The following KMT2B variants were observed in gnomAD, a reference collection of about 807,000 sequenced individuals.
KMT2B encodes histone-lysine N-methyltransferase 2B.
KMT2B carries 22 observed loss-of-function variants against 255.3 expected under a neutral mutation model. The ratio of observed to expected loss-of-function variants is 0.09; its 90% CI spans 0.06 to 0.12. The LOEUF (loss-of-function observed/expected upper bound fraction) is 0.12, where lower values mean the gene tolerates loss of function less well. Ranked by LOEUF, KMT2B falls within the 10% of genes least tolerant of loss-of-function variation. The pLI, the probability that KMT2B is intolerant of heterozygous loss-of-function variation, is 1.00. For synonymous variants in KMT2B, 1,730 were observed against 1,498.1 expected (o/e 1.15, Z -3.57); for missense variants, 3,149 against 3,737.0 (o/e 0.84, Z 4.10).
In KMT2B at chr19:35,720,326, C is replaced by G; in HGVS notation, c.979C>G (p.Gln327Glu). 3 of 1,611,514 alleles carry G rather than the reference C, an allele frequency of 1.9e-6. No individual in the cohort carries two copies. Among genetic ancestry groups the G allele is most frequent in the Non-Finnish European group, 2.5e-6 (3 of 1,178,720 alleles). ...ATTGTCCTTGGGACTCGAATCAGGT[C>G]AAGGTCAAGGTCAACATGAGGAAAG... ...GQLSLGLESGQGQGQHEESWQ... is the reference protein window; with the variant it reads ...GQLSLGLESGEGQGQHEESWQ... The change falls in exon 3 of 37, where the codon CAA (glutamine) becomes GAA (glutamate). Residue 327 changes from glutamine to glutamate, a missense_variant. This residue lies in a region of KMT2B where 1,188 missense variants were observed against 1,106.4 expected (regional missense o/e 1.07). Transcript: ENST00000420124.
chr19:35,724,052 T>A (rs1346966794), intron 8 of KMT2B, 45 bp downstream of exon 8: 2 of 1,510,652 alleles, frequency 1.3e-6, no homozygotes, highest in Non-Finnish European at 1.8e-6. Flanking sequence ...TTATTTGGTC[T>A]TGTGTCTTTT....
chr19:35,733,303 G>GCCCCCCCCCCCCCCCCCCCC lies in KMT2B; in HGVS notation c.6758_6759insCCCCCCCCCCCCCCCCCCCC (p.Leu2260ArgfsTer8). 2 of 1,340,098 alleles carry GCCCCCCCCCCCCCCCCCCCC rather than the reference G, an allele frequency of 1.5e-6. No homozygotes were observed. The highest frequency in any genetic ancestry group is 2.1e-6 in the Non-Finnish European group (2 of 961,264). 83.0% of individuals were successfully genotyped at this position (1,340,098 alleles called of 1,614,324 possible). On this transcript the variant is annotated frameshift_variant, in exon 28 of 37. Transcript: ENST00000420124. LOFTEE classifies it high-confidence loss of function. The surrounding 1 kb of genome is among the most constrained non-coding windows in gnomAD (Gnocchi z 4.3). ...GCCCGTGGTCGGAGTGGTCCGCCCT[G>GCCCCCCCCCCCCCCCCCCCC]CCCCGCCCCCGCCACCCCCTCCCCT...
intron 30 of KMT2B, chr19:35,736,064 A>G: frequency 6.5e-6 from 1 of 152,880 alleles, no homozygotes; most frequent in African/African-American, 2.4e-5. Flanking sequence ...CAGCCTGGCC[A>G]ACATGGTGAA....
At chr19:35,729,519 G>GTGCC (rs918820216) in intron 22 of KMT2B, among the ~76,000 whole-genome samples, 4 of 152,184 alleles carry the variant, frequency 2.6e-5, no homozygotes, top group African/African-American at 9.7e-5. Flanking sequence ...AGTGAGAAGA[G>GTGCC]TGCCCATTGA....
rs562585088 is a variant in KMT2B, at chr19:35,737,605, A to G, written c.7551-31A>G. The G allele has an allele frequency of 2.7e-5, 38 of 1,413,950 alleles. 1 individual carries two copies. The South Asian group carries it at 3.9e-4, about 14-fold the overall frequency. 87.6% of individuals were successfully genotyped at this position (1,413,950 alleles called of 1,614,324 possible). The stretch of plus-strand genomic sequence containing the variant: ...CCCTGTTAGCTCTGTCTTCAACAGT[A>G]TATTCCTCCTTCCCCTGCTGCCACC... On this transcript the variant is annotated intron_variant, in intron 33 of 36. Transcript: ENST00000420124. The surrounding 1 kb of genome is among the most constrained non-coding windows in gnomAD (Gnocchi z 5.3).
Position 35,732,006 on chromosome 19 carries a change from C to T in KMT2B, c.5536C>T (p.Arg1846Trp), listed in dbSNP as rs1353394278. The T allele has an allele frequency of 6.2e-6, 10 of 1,613,672 alleles. No homozygotes were observed. The African/African-American group carries it at 6.7e-5, about 11-fold the overall frequency. ...CATTCAGAACCTGGACCCTCCACTG[C>T]GGCCAGATTCAGGCAGCGCCCCTCC... Reference protein sequence around the residue: ...SPIQNLDPPLRPDSGSAPPPA... With the variant: ...SPIQNLDPPLWPDSGSAPPPA... The change falls in exon 27 of 37, where the codon CGG becomes TGG. Residue 1846 changes from arginine (R) to tryptophan (W), a missense_variant. Coordinates refer to ENST00000420124, the MANE Select transcript of KMT2B (RefSeq NM_014727.3).
rs1420623064 is a variant in KMT2B at position 35,719,766 on chromosome 19, C to G, written c.437-18C>G. On this transcript the variant is annotated intron_variant, in intron 2 of 36. Transcript: ENST00000420124. The stretch of plus-strand genomic sequence containing the variant: ...AGGGCTGGCTTGATCCATCTCCCCA[C>G]AACTATTCTCCTTTTAGGTCGAGCG... The G allele has an allele frequency of 6.4e-7, 1 of 1,566,496 alleles. No homozygotes were observed. The highest frequency in any genetic ancestry group is 1.2e-5 in the South Asian group (1 of 82,570).
At chr19:35,721,966 T>TTCTCTGTGCTAGTTCCCTGTCCC (rs1969232298) in intron 3 of KMT2B, among the ~76,000 whole-genome samples, 162 bp downstream of exon 3, 1 of 151,040 alleles carries the variant, frequency 6.6e-6, no homozygotes, top group Non-Finnish European at 1.5e-5. Flanking sequence ...TCCCCAGACC[T>TTCTCTGTGCTAGTTCCCTGTCCC]GGCCCTTCTC....
At chr19:35,729,335 C>G (rs377273730) in intron 22 of KMT2B, 39 bp downstream of exon 22, 2 of 1,559,940 alleles carry the variant, frequency 1.3e-6, no homozygotes, top group Non-Finnish European at 1.7e-6. Context: ...AGCTCTCTGG[C>G]TCTTGGGGAG....
chr19:35,723,638 C>T lies in KMT2B; in HGVS notation c.3059-94C>T, dbSNP rs1281076002. On this transcript the variant is annotated intron_variant, in intron 7 of 36. Coordinates refer to ENST00000420124, the MANE Select transcript of KMT2B (RefSeq NM_014727.3). This position sits in a 1 kb window ranked among gnomAD's most constrained non-coding sequence, Gnocchi z 7.5. ...CCGTTGTGTGCTTTCATAGCTCCTG[C>T]GTTCATTCCCTGCCCCGCTTCTTTC... 8 of 1,303,966 alleles carry T rather than the reference C, an allele frequency of 6.1e-6. No individual in the cohort carries two copies. The Admixed American group carries it at 7.8e-5, about 13-fold the overall frequency. The allele number at this position is 1,303,966 out of a possible 1,614,324, so 80.8% of individuals were successfully genotyped here.
intron 30 of KMT2B, 32 bp from the exon 31 acceptor site, chr19:35,736,658 G>A (rs758667388): frequency 4.4e-5 from 71 of 1,609,804 alleles, no homozygotes; most frequent in Non-Finnish European, 5.8e-5. Flanking sequence ...CGGGAAGGGT[G>A]ATCTTCACTC....
Position 35,729,999 on chromosome 19 carries a change from G to T in KMT2B, c.4950G>T (p.Thr1650=), listed in dbSNP as rs753755217. ...RCELCLKPGA[T]VGCCLSSCLS... The stretch of plus-strand genomic sequence containing the variant: ...AGCTCTGCCTGAAGCCTGGCGCCAC[G>T]GTGGGCTGCTGCCTGTCCTCCTGCC... Residue 1650 remains threonine, a synonymous_variant, in exon 23 of 37, where the codon ACG becomes ACT. Transcript: ENST00000420124. The T allele has an allele frequency of 6.2e-7, 1 of 1,613,518 alleles. No individual in the cohort carries two copies. Among genetic ancestry groups the T allele is most frequent in the Admixed American group, 1.7e-5 (1 of 59,984 alleles).
chr19:35,720,609 C>T lies in KMT2B; in HGVS notation c.1262C>T (p.Ser421Leu), dbSNP rs753305236. 6.3e-5 allele frequency: 68 copies of T among 1,075,828 alleles called. No individual in the cohort carries two copies. Among genetic ancestry groups the T allele is most frequent in the East Asian group, 2.7e-4 (6 of 21,850 alleles). The allele number at this position is 1,075,828 out of a possible 1,614,324, so 66.6% of individuals were successfully genotyped here. A position where few individuals can be genotyped will look rare whatever the true frequency, so the allele number is the denominator to read the frequency against. The stretch of plus-strand genomic sequence containing the variant: ...CCTCCTCCACCCCTCCCACCCCCTT[C>T]GACATCTCCTCCACCCCCACTCTGC... ...PSPPPPLPPP[S>L]TSPPPPLCPP... The change falls in exon 3 of 37, where the codon TCG becomes TTG. Residue 421 changes from serine to leucine, a missense_variant. Physicochemically the swap from Ser to Leu is moderately radical, Grantham distance 145 (BLOSUM62 -2). This residue lies in a region of KMT2B where 1,188 missense variants were observed against 1,106.4 expected (regional missense o/e 1.07). Transcript: ENST00000420124.
At position 35,729,031 on chromosome 19, in the gene KMT2B, C is replaced by T; in HGVS notation, c.4734C>T (p.Pro1578=). The part of the protein sequence containing the change: ...DPAAFSHLED[P]RQCALCLKYG... ...CTGCCTTCTCACACCTGGAGGACCC[C>T]CGTCAGTGTGCACTCTGCCTCAAAT... Residue 1578 remains proline (P), a synonymous_variant, in exon 21 of 37, where the codon CCC becomes CCT. Coordinates refer to ENST00000420124, the MANE Select transcript of KMT2B (RefSeq NM_014727.3). 6.2e-7 allele frequency: 1 copy of T among 1,614,020 alleles called. No individual in the cohort carries two copies. The highest frequency in any genetic ancestry group is 8.5e-7 in the Non-Finnish European group (1 of 1,179,898).
chr19:35,732,316 C>T lies in KMT2B; in HGVS notation c.5767C>T (p.Pro1923Ser), dbSNP rs200492207. The T allele has an allele frequency of 1.4e-5, 22 of 1,610,984 alleles. No individual in the cohort carries two copies. The highest frequency in any genetic ancestry group is 1.8e-5 in the Non-Finnish European group (21 of 1,178,704). ...SRRPSPLAPRPPPSRWASPPL... is the reference protein window; with the variant it reads ...SRRPSPLAPRSPPSRWASPPL... ...TCGTCCCAGCCCTTTGGCTCCCAGG[C>T]CGCCTCCATCACGGTGGGCCTCCCC... Residue 1923 changes from proline (P) to serine (S), a missense_variant, in exon 28 of 37, where the codon CCG becomes TCG. This residue lies in a region of KMT2B where 897 missense variants were observed against 825.3 expected (regional missense o/e 1.09). Transcript: ENST00000420124.
chr19:35,733,283 T>A lies in KMT2B; in HGVS notation c.6734T>A (p.Val2245Glu). The A allele has an allele frequency of 7.3e-7, 1 of 1,369,080 alleles. No homozygotes were observed. The allele number at this position is 1,369,080 out of a possible 1,614,324, so 84.8% of individuals were successfully genotyped here. Residue 2245 changes from valine (V) to glutamate (E), a missense_variant, in exon 28 of 37, where the codon GTG (valine) becomes GAG (glutamate). By Grantham distance (121) the Val-to-Glu change is moderately radical (BLOSUM62 -2). Coordinates refer to ENST00000420124, the MANE Select transcript of KMT2B (RefSeq NM_014727.3). This position sits in a 1 kb window ranked among gnomAD's most constrained non-coding sequence, Gnocchi z 4.3. ...GGCCCCCTCCTCGGCGTGCTGCCCG[T>A]GGTCGGAGTGGTCCGCCCTGCCCCG... ...PPGPLLGVLP[V>E]VGVVRPAPPP... is the part of the protein sequence containing the mutation.
intron 19 of KMT2B, 128 bp downstream of exon 19, chr19:35,728,299 G>A (rs1247758462): frequency 1.3e-6 from 1 of 782,288 alleles, no homozygotes; most frequent in African/African-American, 1.7e-5. Context: ...GAGGAGGGTG[G>A]TGGAACCCAG....
In KMT2B at chr19:35,720,493, A is replaced by G; in HGVS notation, c.1146A>G (p.Glu382=). The G allele has an allele frequency of 1.9e-6, 3 of 1,551,724 alleles. No homozygotes were observed. Among genetic ancestry groups the G allele is most frequent in the Non-Finnish European group, 2.6e-6 (3 of 1,146,972 alleles). ...EEKDKEGEEK[E]ERAVAEEMMP... ...AAGACAAGGAGGGAGAAGAGAAGGAAGAAAGAGCTGTAGCTGAGGAGATGA... is the reference window on the plus strand; with the variant it reads ...AAGACAAGGAGGGAGAAGAGAAGGAGGAAAGAGCTGTAGCTGAGGAGATGA... The change falls in exon 3 of 37, where the codon GAA becomes GAG. Residue 382 remains glutamate, a synonymous_variant. Transcript: ENST00000420124.
chr19:35,727,938 AC>A lies in KMT2B; in HGVS notation c.4454del (p.Pro1485ArgfsTer9). 6.3e-7 allele frequency: 1 copy of A among 1,593,636 alleles called. No homozygotes were observed. The stretch of plus-strand genomic sequence containing the variant: ...CATGCGGCACTCGGAGGAGGGAGAG[AC>A]CCCGGACCGCCGGGCTGGAGGCCAG... ...ILMRHSEEGE[T>X]PDRRAGGQMK... is the part of the protein sequence containing the mutation. On this transcript the variant is annotated frameshift_variant, in exon 18 of 37. Coordinates refer to ENST00000420124, the MANE Select transcript of KMT2B (RefSeq NM_014727.3). LOFTEE classifies it high-confidence loss of function. The surrounding 1 kb of genome is among the most constrained non-coding windows in gnomAD (Gnocchi z 4.2).
Sources: gnomAD v4.1 joint callset for allele counts (sites outside exome capture counted in the v4.1 genomes callset) on GRCh38, gnomAD v4.1.1 for gene constraint, gnomAD v4.1.1 regional missense constraint, Gnocchi (gnomAD v3.1) non-coding constraint, MANE v1.5 for transcripts, NCBI Gene and HGNC (gene_info 2026-07-23, HGNC 2026-07-21) for gene names.